Variants in CCDC144A observed in about 807,000 individuals in gnomAD.
CCDC144A encodes the protein coiled-coil domain-containing protein 144A.
A neutral mutation model predicts 143.8 loss-of-function variants in CCDC144A; 41 were observed. The ratio of observed to expected loss-of-function variants is 0.29; its 90% CI spans 0.22 to 0.37. CCDC144A has a LOEUF of 0.37. CCDC144A is among the 10% of genes least tolerant of loss of function. The pLI is 1.00. For missense variants in CCDC144A, 637 were observed against 1,488.8 expected, an observed-to-expected ratio of 0.43 and a Z score of 9.41; for synonymous variants, 242 against 517.9, an observed-to-expected ratio of 0.47 and a Z score of 7.23.
At position 16,764,150 on chromosome 17, in the gene CCDC144A, A is replaced by G. The variant is rs1347686568; in HGVS notation, c.4073A>G (p.Lys1358Arg). ...CCAAGAAAAAAGAGGTCTGCTCTTA[A>G]GGACATGGAGAGCTACTTGTTGAAG... ...HIPRKKRSAL[K>R]DMESYLLKMQ... Residue 1358 changes from lysine to arginine, a missense_variant, in exon 15 of 17, where the codon AAG (lysine) becomes AGG (arginine). Physicochemically the swap from Lys to Arg is conservative, Grantham distance 26 (BLOSUM62 2). Coordinates refer to ENST00000399273, the MANE Select transcript of CCDC144A (RefSeq NM_001382000.1). The G allele has an allele frequency of 8.1e-6, 13 of 1,604,134 alleles. No homozygotes were observed. Among genetic ancestry groups the G allele is most frequent in the Admixed American group, 1.7e-5 (1 of 57,688 alleles).
chr17:16,677,764 GC>G, the CCDC144A span, among the ~76,000 whole-genome samples: 4 of 151,306 alleles, frequency 2.6e-5, no homozygotes, highest in Non-Finnish European at 4.4e-5. Context: ...CGGAGATCAT[GC>G]CACTGCACTC....
At chr17:16,771,671 T>G (rs1305206157) in intron 15 of CCDC144A, among the ~76,000 whole-genome samples, 1 of 152,254 alleles carries the variant, frequency 6.6e-6, no homozygotes, top group Non-Finnish European at 1.5e-5. Flanking sequence ...TTGCAGAATA[T>G]GACTTGAATT....
chr17:16,701,953 A>T (rs1232966679), intron 2 of CCDC144A, among the ~76,000 whole-genome samples: 1 of 151,480 alleles, frequency 6.6e-6, no homozygotes, highest in Admixed American at 6.6e-5. Context: ...CCTTGCACTT[A>T]AAAAGAAGAT....
intron 4 of CCDC144A, 99 bp downstream of exon 4, chr17:16,707,641 T>C (rs1912136901): frequency 1.5e-6 from 1 of 652,380 alleles, no homozygotes; most frequent in East Asian, 3.0e-5. Flanking sequence ...CCTCTCAGAC[T>C]AGCCTTTGAG....
At chr17:16,700,155 G>A (rs529926697) in intron 2 of CCDC144A, among the ~76,000 whole-genome samples, 39 of 152,268 alleles carry the variant, frequency 2.6e-4, no homozygotes, top group African/African-American at 9.1e-4. Context: ...AAGACACAAA[G>A]CAACATTCGA....
chr17:16,725,405 C>T (rs1913358627), intron 8 of CCDC144A, among the ~76,000 whole-genome samples: 2 of 151,336 alleles, frequency 1.3e-5, no homozygotes, highest in Non-Finnish European at 2.9e-5. Context: ...GGCTTATTAG[C>T]GATAACTATT....
the CCDC144A span, among the ~76,000 whole-genome samples, chr17:16,683,110 T>C: frequency 6.6e-6 from 1 of 151,596 alleles, no homozygotes; most frequent in Non-Finnish European, 1.5e-5. Context: ...TTCAAAAGTG[T>C]AGTTAGACAG....
At chr17:16,717,769 G>T in intron 6 of CCDC144A, among the ~76,000 whole-genome samples, 1 of 152,172 alleles carries the variant, frequency 6.6e-6, no homozygotes, top group Non-Finnish European at 1.5e-5. Flanking sequence ...ATGGGGAAGA[G>T]TTGGAATTTT....
chr17:16,706,830 A>G (rs2143107021), intron 3 of CCDC144A: 1 of 152,300 alleles, frequency 6.6e-6, no homozygotes, highest in Non-Finnish European at 1.5e-5. Flanking sequence ...GGTGGTGGAG[A>G]TGCAGTAGAA....
the CCDC144A span, among the ~76,000 whole-genome samples, chr17:16,667,943 C>T: frequency 6.7e-6 from 1 of 148,780 alleles, no homozygotes; most frequent in African/African-American, 2.5e-5. Context: ...TTTGGTATCA[C>T]TTCTGTGTTA....
At chr17:16,671,436 A>G in the CCDC144A span, among the ~76,000 whole-genome samples, 2 of 152,256 alleles carry the variant, frequency 1.3e-5, no homozygotes, top group African/African-American at 2.4e-5. Context: ...TGCTCTGAGC[A>G]TAAGTGGTCT....
intron 5 of CCDC144A, chr17:16,710,383 GA>G (rs1912337333): frequency 1.4e-5 from 2 of 145,800 alleles, no homozygotes; most frequent in African/African-American, 5.0e-5. Context: ...AAAAAAAAAA[GA>G]AAAGAAAAAA....
Position 16,763,288 on chromosome 17 carries a change from A to G in CCDC144A, c.3888-677A>G, listed in dbSNP as rs1915457563. Among the ~76,000 whole-genome samples the G allele has an allele frequency of 5.3e-5, 8 of 151,902 alleles. No individual in the cohort carries two copies. In the South Asian group the frequency reaches 1.7e-3, roughly 32 times the overall value. Reference sequence around the variant, plus strand: ...TGCTTTAGTTCTCTTTGATTTCAGCAGTCTTATTCTCCCCAAGGAAAAGTC... The same window carrying G: ...TGCTTTAGTTCTCTTTGATTTCAGCGGTCTTATTCTCCCCAAGGAAAAGTC... On this transcript the variant is annotated intron_variant, in intron 14 of 16. Coordinates refer to ENST00000399273, the MANE Select transcript of CCDC144A (RefSeq NM_001382000.1).
chr17:16,686,527 C>T (rs908705779), upstream of CCDC144A, among the ~76,000 whole-genome samples: 1 of 151,792 alleles, frequency 6.6e-6, no homozygotes, highest in African/African-American at 2.4e-5. Context: ...ACATGGTGGT[C>T]AGGTATGGTG....
intron 1 of CCDC144A, chr17:16,691,867 A>G (rs1911106653): frequency 6.6e-6 from 1 of 152,232 alleles, no homozygotes; most frequent in African/African-American, 2.4e-5. Flanking sequence ...CCCTGCCTGC[A>G]TAAGGATGAT....
the CCDC144A span, among the ~76,000 whole-genome samples, chr17:16,671,122 G>A: frequency 1.3e-5 from 2 of 151,840 alleles, no homozygotes; most frequent in East Asian, 1.9e-4. Flanking sequence ...AAGTAGCTGG[G>A]ATTACAGACA....
intron 12 of CCDC144A, among the ~76,000 whole-genome samples, chr17:16,748,520 A>G (rs1914642256): frequency 6.6e-6 from 1 of 152,190 alleles, no homozygotes; most frequent in Non-Finnish European, 1.5e-5. Flanking sequence ...TTTGGTGTCT[A>G]CATTCATTGG....
intron 12 of CCDC144A, among the ~76,000 whole-genome samples, chr17:16,752,217 G>C (rs543020787): frequency 2.3e-4 from 35 of 152,288 alleles, no homozygotes; most frequent in South Asian, 1.5e-3. Flanking sequence ...AGCGCGAGCC[G>C]TGTTGTGAAC....
At chr17:16,685,167 C>T (rs1011401539), upstream of CCDC144A, among the ~76,000 whole-genome samples, 3 of 152,004 alleles carry the variant, frequency 2.0e-5, no homozygotes, top group African/African-American at 7.3e-5. Context: ...TCTGGGATTG[C>T]GGGCATATGC....
Sources: allele counts gnomAD v4.1 joint callset (sites outside exome capture counted in the v4.1 genomes callset), GRCh38; gene constraint gnomAD v4.1.1; transcripts MANE v1.5; gene names NCBI Gene and HGNC (gene_info 2026-07-23, HGNC 2026-07-21).